Variants in TRAPPC9 observed in about 807,000 individuals in gnomAD.
TRAPPC9 encodes IKK2 binding protein.
In TRAPPC9, 83 loss-of-function variants were observed where a neutral mutation model predicts 124.0. The observed-to-expected ratio is 0.67, with a 90% CI of 0.56 to 0.80. TRAPPC9 has a LOEUF of 0.80. Among genes scored for constraint, TRAPPC9 ranks in the 30% least tolerant of loss-of-function variants. The pLI is 0.00. For missense variants in TRAPPC9, 1,302 were observed against 1,508.3 expected (o/e 0.86, Z 2.27); for synonymous variants, 638 against 617.5 (o/e 1.03, Z -0.49).
chr8:140,371,083 G>A lies in TRAPPC9; in HGVS notation c.1232C>T (p.Ala411Val), dbSNP rs768488306. ...GCTTGGGGCCACGCACTGCATGGCG[G>A]CCACGCGCTTGAAGAACGCAGACTT... ...HRKSAFFKRV[A>V]AMQCVAPSIA... Residue 411 changes from alanine to valine, a missense_variant, in exon 8 of 23, where the codon GCC (alanine) becomes GTC (valine). Around this residue, in one of 3 missense-constraint regions of TRAPPC9, gnomAD observed 657 missense variants for 811.2 expected, o/e 0.81. Coordinates refer to ENST00000438773, the MANE Select transcript of TRAPPC9 (RefSeq NM_001160372.4). 2 of 1,614,220 alleles carry A rather than the reference G, an allele frequency of 1.2e-6. No individual in the cohort carries two copies. The highest frequency in any genetic ancestry group is 2.2e-5 in the South Asian group (2 of 91,088).
intron 19 of TRAPPC9, among the ~76,000 whole-genome samples, chr8:139,965,055 G>A (rs571426141): frequency 6.6e-6 from 1 of 152,256 alleles, no homozygotes; most frequent in South Asian, 2.1e-4. Context: ...GTCAGCCCAG[G>A]CTGGCTGTAA....
intron 18 of TRAPPC9, among the ~76,000 whole-genome samples, chr8:140,001,581 GGAGA>G (rs1243573845): frequency 6.6e-6 from 1 of 152,206 alleles, no homozygotes; most frequent in East Asian, 1.9e-4. Context: ...AAAGGAAAAA[GGAGA>G]GAGAACACAA....
rs555520602 is a variant in TRAPPC9, at chr8:139,732,096, G to A, written c.3162C>T (p.Ser1054=). 48 of 1,606,040 alleles carry A rather than the reference G, an allele frequency of 3.0e-5. No homozygotes were observed. Among genetic ancestry groups the A allele is most frequent in the East Asian group, 9.0e-5 (4 of 44,528 alleles). Residue 1054 remains serine (S), a synonymous_variant, in exon 22 of 23, where the codon AGC becomes AGT. Transcript: ENST00000438773. The part of the protein sequence containing the change: ...EVRLTNRSPR[S]VGPFALTVVP... ...CCACAGTGAGGGCGAAGGGCCCTACGCTGCGCGGGCTCCGGTTGGTCAGCC... is the reference window on the plus strand; with the variant it reads ...CCACAGTGAGGGCGAAGGGCCCTACACTGCGCGGGCTCCGGTTGGTCAGCC...
chr8:140,316,574 C>T (rs570767947), intron 9 of TRAPPC9, among the ~76,000 whole-genome samples: 2 of 152,272 alleles, frequency 1.3e-5, no homozygotes, highest in East Asian at 1.9e-4. Context: ...CAACCATGTT[C>T]GCATCCCTGG....
intron 21 of TRAPPC9, among the ~76,000 whole-genome samples, chr8:139,789,836 C>T (rs1018056545): frequency 2.8e-4 from 42 of 152,116 alleles, no homozygotes; most frequent in African/African-American, 9.7e-4. Context: ...GAGCAGAGAC[C>T]TCAACTCCAG....
At chr8:140,390,249 G>A (rs930014161) in intron 7 of TRAPPC9, among the ~76,000 whole-genome samples, 2 of 152,192 alleles carry the variant, frequency 1.3e-5, no homozygotes, top group Non-Finnish European at 2.9e-5. Context: ...AGGTTGCAGT[G>A]AGAGGAGATC....
At chr8:140,275,089 C>T (rs1488042627) in intron 15 of TRAPPC9, among the ~76,000 whole-genome samples, 1 of 152,208 alleles carries the variant, frequency 6.6e-6, no homozygotes, top group African/African-American at 2.4e-5. Flanking sequence ...CACCAGGTGT[C>T]CTGCCAAACA....
At chr8:140,033,668 T>TG (rs1840663443) in intron 17 of TRAPPC9, among the ~76,000 whole-genome samples, 1 of 71,150 alleles carries the variant, frequency 1.4e-5, no homozygotes, top group Non-Finnish European at 2.4e-5. Flanking sequence ...GTTTTTTTTT[T>TG]TTTTTTTTTT....
At position 140,025,549 on chromosome 8, in the gene TRAPPC9, A is replaced by C. The variant is rs150312483; in HGVS notation, c.2557-1470T>G. On this transcript the variant is annotated intron_variant, in intron 17 of 22. Coordinates refer to ENST00000438773, the MANE Select transcript of TRAPPC9 (RefSeq NM_001160372.4). The stretch of plus-strand genomic sequence containing the variant: ...AAAGGTTTCATGGATATGACACCAA[A>C]AGCATAAGCAAAATGCAAAAAAAAA... 2.9e-4 allele frequency among the ~76,000 whole-genome samples: 43 copies of C among 148,606 alleles called. No homozygotes were observed. In the East Asian group the frequency reaches 8.1e-3, roughly 28 times the overall value.
In TRAPPC9 at chr8:140,290,992, C is replaced by T. The variant is rs2065637988; in HGVS notation, c.1854+1G>A. 4 of 1,613,784 alleles carry T rather than the reference C, an allele frequency of 2.5e-6. No homozygotes were observed. Among genetic ancestry groups the T allele is most frequent in the Non-Finnish European group, 3.4e-6 (4 of 1,179,696 alleles). ...AAGGTCAAATGATTGGTGATACATA[C>T]CATGTTTTCAACTCGAAGTTCAAAC... is the stretch of plus-strand genomic sequence containing the variant. On this transcript the variant is annotated splice_donor_variant, in intron 12 of 22. Coordinates refer to ENST00000438773, the MANE Select transcript of TRAPPC9 (RefSeq NM_001160372.4). LOFTEE classifies it high-confidence loss of function.
At chr8:139,973,423 C>T (rs557752414) in intron 19 of TRAPPC9, among the ~76,000 whole-genome samples, 1 of 149,786 alleles carries the variant, frequency 6.7e-6, no homozygotes, top group East Asian at 2.2e-4. Context: ...GCCGTGGCAC[C>T]CACCCTGCCT....
intron 11 of TRAPPC9, among the ~76,000 whole-genome samples, chr8:140,295,114 C>T (rs148735219): frequency 4.6e-5 from 7 of 152,266 alleles, no homozygotes; most frequent in East Asian, 1.9e-4. Flanking sequence ...TGTGGACCCA[C>T]GGCACCAGGC....
intron 19 of TRAPPC9, among the ~76,000 whole-genome samples, chr8:139,986,170 G>A (rs997655654): frequency 9.9e-5 from 15 of 152,220 alleles, no homozygotes; most frequent in African/African-American, 3.6e-4. Flanking sequence ...TTGAACCCAG[G>A]AGGTGGAGGT....
intron 17 of TRAPPC9, among the ~76,000 whole-genome samples, chr8:140,147,162 C>A (rs758628949): frequency 1.3e-5 from 2 of 152,220 alleles, no homozygotes; most frequent in Admixed American, 1.3e-4. Context: ...GTTGTTCCTG[C>A]CTTTTCCTGG....
At chr8:140,001,554 C>G (rs1838405551) in intron 18 of TRAPPC9, among the ~76,000 whole-genome samples, 1 of 152,014 alleles carries the variant, frequency 6.6e-6, no homozygotes. Context: ...AATTGATAAA[C>G]CTCTAGCCAC....
intron 2 of TRAPPC9, among the ~76,000 whole-genome samples, chr8:140,448,694 A>C (rs556866156): frequency 6.6e-6 from 1 of 152,344 alleles, no homozygotes; most frequent in East Asian, 1.9e-4. Context: ...GTGGCCGCCA[A>C]GCTGTGCACA....
chr8:140,377,816 T>A (rs1022645852), intron 7 of TRAPPC9, among the ~76,000 whole-genome samples: 1 of 152,124 alleles, frequency 6.6e-6, no homozygotes, highest in Non-Finnish European at 1.5e-5. Context: ...TCAGATTAGA[T>A]GGACACGGTG....
intron 17 of TRAPPC9, among the ~76,000 whole-genome samples, chr8:140,065,393 A>G (rs944011604): frequency 6.6e-6 from 1 of 152,218 alleles, no homozygotes; most frequent in Non-Finnish European, 1.5e-5. Flanking sequence ...TGGCTACACT[A>G]AACAACAGAT....
intron 1 of TRAPPC9, among the ~76,000 whole-genome samples, chr8:140,455,263 G>A (rs2071612347): frequency 6.6e-6 from 1 of 151,986 alleles, no homozygotes; most frequent in Non-Finnish European, 1.5e-5. Flanking sequence ...CTCCCGGGTA[G>A]CTGGGACTAC....
Sources: gnomAD v4.1 joint callset for allele counts (sites outside exome capture counted in the v4.1 genomes callset) on GRCh38, gnomAD v4.1.1 for gene constraint, gnomAD v4.1.1 regional missense constraint, MANE v1.5 for transcripts, NCBI Gene and HGNC (gene_info 2026-07-23, HGNC 2026-07-21) for gene names.